HDAC9: variants seen among roughly 807,000 people sequenced by gnomAD.
The protein encoded by HDAC9 is MEF-2 interacting transcription repressor (MITR) protein.
In HDAC9, 41 loss-of-function variants were observed where a neutral mutation model predicts 139.4. That is an observed-to-expected ratio of 0.29 (90% CI 0.23 to 0.38). The LOEUF (loss-of-function observed/expected upper bound fraction) is 0.38. Among genes scored for constraint, HDAC9 ranks in the 10% least tolerant of loss-of-function variants. The pLI is 1.00. For synonymous variants in HDAC9, 517 were observed against 476.2 expected (o/e 1.09, Z -1.12); for missense variants, 1,147 against 1,297.0 (o/e 0.88, Z 1.78).
At chr7:18,286,522 C>T (rs986866747), upstream of HDAC9, among the ~76,000 whole-genome samples, 10 of 151,164 alleles carry the variant, frequency 6.6e-5, no homozygotes, top group Non-Finnish European at 1.3e-4. Flanking sequence ...GTTTTGGTAC[C>T]TAGGAGGATC....
At chr7:18,432,667 G>T (rs1790786107) in intron 1 of HDAC9, among the ~76,000 whole-genome samples, 1 of 152,200 alleles carries the variant, frequency 6.6e-6, no homozygotes, top group African/African-American at 2.4e-5. Flanking sequence ...CCAGTGGAAG[G>T]CCGGGCGCTG....
chr7:18,330,131 G>C (rs1166537577), intron 1 of HDAC9, among the ~76,000 whole-genome samples: 1 of 151,466 alleles, frequency 6.6e-6, no homozygotes, highest in East Asian at 1.9e-4. Context: ...AATCTTTTCT[G>C]CTTGCCAAAT....
intron 1 of HDAC9, among the ~76,000 whole-genome samples, chr7:18,465,742 TA>T (rs1464634312): frequency 1.3e-5 from 2 of 152,222 alleles, no homozygotes; most frequent in Non-Finnish European, 2.9e-5. Flanking sequence ...CAATAATTTA[TA>T]GCTGTGTCTG....
intron 1 of HDAC9, among the ~76,000 whole-genome samples, chr7:18,130,068 A>G (rs1784908929): frequency 1.3e-5 from 2 of 152,178 alleles, no homozygotes; most frequent in African/African-American, 4.8e-5. Flanking sequence ...CATGGTACAT[A>G]CAGATGGAGT....
At chr7:18,116,007 T>C (rs930007591) in intron 1 of HDAC9, among the ~76,000 whole-genome samples, 1 of 152,208 alleles carries the variant, frequency 6.6e-6, no homozygotes, top group African/African-American at 2.4e-5. Flanking sequence ...TAAAATGTAG[T>C]GTTTATTTCT....
intron 1 of HDAC9, among the ~76,000 whole-genome samples, chr7:18,349,930 C>A (rs1782725287): frequency 6.6e-6 from 1 of 152,214 alleles, no homozygotes; most frequent in Middle Eastern, 3.4e-3. Context: ...TTAGGTATTA[C>A]TTCAGTATTA....
chr7:18,460,842 T>C (rs1042115713), intron 1 of HDAC9, among the ~76,000 whole-genome samples: 1 of 134,548 alleles, frequency 7.4e-6, no homozygotes, highest in Non-Finnish European at 1.6e-5. Flanking sequence ...AAATAGAAAG[T>C]ATTTGAAGGG....
intron 16 of HDAC9, among the ~76,000 whole-genome samples, chr7:18,788,774 C>T (rs1044319852): frequency 1.3e-5 from 2 of 151,268 alleles, no homozygotes; most frequent in African/African-American, 2.4e-5. Context: ...AAAAAAAGAC[C>T]CAAATATCAA....
chr7:18,929,430 G>A (rs1279924667), intron 22 of HDAC9, among the ~76,000 whole-genome samples: 1 of 151,890 alleles, frequency 6.6e-6, no homozygotes, highest in African/African-American at 2.4e-5. Context: ...CAAGGTCATG[G>A]TAATTACCAG....
chr7:18,500,340 A>G (rs1261113588), intron 2 of HDAC9, among the ~76,000 whole-genome samples: 2 of 152,178 alleles, frequency 1.3e-5, no homozygotes, highest in African/African-American at 4.8e-5. Flanking sequence ...TGAGCCCAAA[A>G]TAGCATGTCA....
chr7:18,863,938 G>A (rs1278493284), intron 21 of HDAC9, among the ~76,000 whole-genome samples: 1 of 152,178 alleles, frequency 6.6e-6, no homozygotes, highest in Non-Finnish European at 1.5e-5. Context: ...GAGCATGGGA[G>A]TACAAATATC....
At chr7:18,123,806 CATA>C (rs1784497425) in intron 1 of HDAC9, among the ~76,000 whole-genome samples, 1 of 152,150 alleles carries the variant, frequency 6.6e-6, no homozygotes, top group Non-Finnish European at 1.5e-5. Flanking sequence ...AATTCTCTCA[CATA>C]ATAAGTCTAA....
chr7:18,724,970 CTG>C lies in HDAC9; in HGVS notation c.1732-2607_1732-2606del, dbSNP rs1562884879. ...GCAATTAATGTGTGTTCAAAAAACACTGTGAAATTTTAAGTGGACCTTAGAGG... is the reference window on the plus strand; with the variant it reads ...GCAATTAATGTGTGTTCAAAAAACACTGAAATTTTAAGTGGACCTTAGAGG... On this transcript the variant is annotated intron_variant, in intron 12 of 25. Coordinates refer to ENST00000686413, the MANE Select transcript of HDAC9 (RefSeq NM_178425.4). Among the ~76,000 whole-genome samples, 3 of 152,238 alleles carry C rather than the reference CTG, an allele frequency of 2.0e-5. No individual in the cohort carries two copies. The East Asian group carries it at 5.8e-4, about 29-fold the overall frequency.
intron 8 of HDAC9, among the ~76,000 whole-genome samples, chr7:18,641,828 T>G (rs1785690432): frequency 6.6e-6 from 1 of 152,048 alleles, no homozygotes; most frequent in South Asian, 2.1e-4. Flanking sequence ...ATGGTACCCC[T>G]CCCAATCTGT....
chr7:18,304,373 A>G (rs1400257670), intron 1 of HDAC9, among the ~76,000 whole-genome samples: 1 of 152,242 alleles, frequency 6.6e-6, no homozygotes, highest in Admixed American at 6.5e-5. Flanking sequence ...ACCAGACTTC[A>G]GAGCTCATAC....
chr7:18,395,579 A>C (rs1374795228), intron 1 of HDAC9, among the ~76,000 whole-genome samples: 1 of 151,134 alleles, frequency 6.6e-6, no homozygotes. Flanking sequence ...TCTTATGGGA[A>C]GGAGAGAATT....
At chr7:18,584,877 A>T (rs1302885556) in intron 2 of HDAC9, among the ~76,000 whole-genome samples, 1 of 152,208 alleles carries the variant, frequency 6.6e-6, no homozygotes, top group Non-Finnish European at 1.5e-5. Context: ...TAAGTGTACA[A>T]ATGTAGTCAT....
At chr7:18,983,585 T>G (rs1418982949) in intron 25 of HDAC9, among the ~76,000 whole-genome samples, 1 of 152,194 alleles carries the variant, frequency 6.6e-6, no homozygotes, top group African/African-American at 2.4e-5. Flanking sequence ...TCAGTTTTTT[T>G]GGATAGATAG....
intron 16 of HDAC9, among the ~76,000 whole-genome samples, chr7:18,773,200 T>A (rs1790463217): frequency 6.6e-6 from 1 of 152,056 alleles, no homozygotes; most frequent in Non-Finnish European, 1.5e-5. Context: ...CATTTTGAAA[T>A]AAGAATACTT....
Sources: allele counts gnomAD v4.1 joint callset (sites outside exome capture counted in the v4.1 genomes callset), GRCh38; gene constraint gnomAD v4.1.1; transcripts MANE v1.5; gene names NCBI Gene and HGNC (gene_info 2026-07-23, HGNC 2026-07-21).